ZDHHC2: variants seen among roughly 807,000 people sequenced by gnomAD.
ZDHHC2 encodes palmitoyltransferase ZDHHC2.
Under a neutral mutation model 55.6 loss-of-function variants are expected in ZDHHC2, and 51 were observed. The observed-to-expected ratio is 0.92, with a 90% CI of 0.73 to 1.16. The LOEUF is 1.16. ZDHHC2 is among the 50% of genes most tolerant of loss of function. The probability of loss-of-function intolerance (pLI) is 0.00; values close to 1 mark genes in which losing one functional copy is unlikely to be tolerated. For synonymous variants in ZDHHC2, 199 were observed against 152.9 expected (o/e 1.30, Z -2.22); for missense variants, 491 against 442.4 (o/e 1.11, Z -0.99).
chr8:17,209,293 G>A (rs1442434879), intron 8 of ZDHHC2, among the ~76,000 whole-genome samples: 10 of 152,074 alleles, frequency 6.6e-5, no homozygotes, highest in Non-Finnish European at 1.5e-4. Flanking sequence ...TTTATAGTCA[G>A]CTGGAAAAAT....
chr8:17,175,706 C>T (rs1805094121), intron 1 of ZDHHC2, among the ~76,000 whole-genome samples: 1 of 150,840 alleles, frequency 6.6e-6, no homozygotes, highest in South Asian at 2.1e-4. Context: ...CAACGTAAAA[C>T]ATCACACAGG....
chr8:17,171,456 A>G (rs879925880), intron 1 of ZDHHC2, among the ~76,000 whole-genome samples: 4 of 152,174 alleles, frequency 2.6e-5, no homozygotes, highest in Non-Finnish European at 4.4e-5. Flanking sequence ...TCCCTTTGCC[A>G]AGATGAAAGT....
intron 5 of ZDHHC2, 149 bp downstream of exon 5, chr8:17,197,800 G>A (rs2150925175): frequency 1.2e-6 from 1 of 827,756 alleles, no homozygotes; most frequent in East Asian, 2.7e-5. Flanking sequence ...TAACCCGCTG[G>A]CATTCATACC....
intron 3 of ZDHHC2, among the ~76,000 whole-genome samples, chr8:17,189,991 C>T (rs942709722): frequency 4.6e-5 from 7 of 152,154 alleles, no homozygotes; most frequent in African/African-American, 1.7e-4. Context: ...TTTCTTTTCA[C>T]TACACCATGC....
At position 17,195,566 on chromosome 8, in the gene ZDHHC2, G is replaced by A. The variant is rs1806263726; in HGVS notation, c.315G>A (p.Gln105=). 2 of 1,613,946 alleles carry A rather than the reference G, an allele frequency of 1.2e-6. No individual in the cohort carries two copies. Among genetic ancestry groups the A allele is most frequent in the African/African-American group, 1.3e-5 (1 of 75,054 alleles). Residue 105 remains glutamine, a synonymous_variant, in exon 4 of 13, where the codon CAG becomes CAA. Transcript: ENST00000262096. Reference sequence around the variant, plus strand: ...GAGAGCCAAGAGGAGAAGCCCATCAGGAAGTTCTTAGGCGAGCAGCCAAGG... The same window carrying A: ...GAGAGCCAAGAGGAGAAGCCCATCAAGAAGTTCTTAGGCGAGCAGCCAAGG... ...LEREPRGEAH[Q]EVLRRAAKDL... is the part of the protein sequence containing the mutation.
At chr8:17,190,920 TTGTGC>T (rs1805992001) in intron 3 of ZDHHC2, among the ~76,000 whole-genome samples, 1 of 151,266 alleles carries the variant, frequency 6.6e-6, no homozygotes, top group Non-Finnish European at 1.5e-5. Flanking sequence ...AGCCGCCCTA[TTGTGC>T]TGTCAAATAC....
At chr8:17,182,509 G>C (rs1423830098) in intron 1 of ZDHHC2, among the ~76,000 whole-genome samples, 1 of 152,082 alleles carries the variant, frequency 6.6e-6, no homozygotes, top group Non-Finnish European at 1.5e-5. Flanking sequence ...ACAGCCTTTT[G>C]AACTGATCCC....
At chr8:17,199,997 C>T (rs570057983) in intron 6 of ZDHHC2, among the ~76,000 whole-genome samples, 4 of 152,036 alleles carry the variant, frequency 2.6e-5, no homozygotes, top group Non-Finnish European at 4.4e-5. Context: ...CCTTGTGATC[C>T]GCCCGCCTTG....
At chr8:17,158,438 C>T (rs144444816) in intron 1 of ZDHHC2, among the ~76,000 whole-genome samples, 19 of 152,292 alleles carry the variant, frequency 1.2e-4, no homozygotes, top group Admixed American at 2.0e-4. Context: ...AGACGCTTAT[C>T]TTGGTACAGT....
rs149499910 is a variant in ZDHHC2, at chr8:17,180,033, T to G, written c.131-4756T>G. On this transcript the variant is annotated intron_variant, in intron 1 of 12. Transcript: ENST00000262096. The stretch of plus-strand genomic sequence containing the variant: ...AGTGTTCCTATTGTGTGTATTTAGA[T>G]GGTATGAATGGTGCCATCCACCAGA... Among the ~76,000 whole-genome samples, 4 of 152,342 alleles carry G rather than the reference T, an allele frequency of 2.6e-5. No homozygotes were observed. In the East Asian group the frequency reaches 7.7e-4, roughly 29 times the overall value.
At chr8:17,200,472 G>C (rs928422066) in intron 6 of ZDHHC2, among the ~76,000 whole-genome samples, 4 of 152,178 alleles carry the variant, frequency 2.6e-5, no homozygotes, top group Non-Finnish European at 2.9e-5. Context: ...ATATTCAGCA[G>C]AGTGGTAGTC....
chr8:17,189,321 C>G (rs192606750), intron 3 of ZDHHC2, among the ~76,000 whole-genome samples: 47 of 152,130 alleles, frequency 3.1e-4, no homozygotes, highest in African/African-American at 1.1e-3. Context: ...TGCACCTTAC[C>G]TTCCTGGATT....
chr8:17,217,943 A>G (rs1807722935), intron 12 of ZDHHC2, among the ~76,000 whole-genome samples: 1 of 152,246 alleles, frequency 6.6e-6, no homozygotes, highest in South Asian at 2.1e-4. Flanking sequence ...AGATAGCAAG[A>G]TAACTCTCTC....
chr8:17,162,444 T>G (rs1804394229), intron 1 of ZDHHC2, among the ~76,000 whole-genome samples: 1 of 152,196 alleles, frequency 6.6e-6, no homozygotes, highest in South Asian at 2.1e-4. Flanking sequence ...AAATTGGTAC[T>G]TGCAGGAATG....
At chr8:17,163,531 G>C (rs1258852044) in intron 1 of ZDHHC2, among the ~76,000 whole-genome samples, 3 of 152,086 alleles carry the variant, frequency 2.0e-5, no homozygotes, top group African/African-American at 7.2e-5. Context: ...TATCTTGATG[G>C]AGAATTTGTG....
At chr8:17,197,817 G>A (rs1030446501) in intron 5 of ZDHHC2, among the ~76,000 whole-genome samples, 166 bp downstream of exon 5, 1 of 152,182 alleles carries the variant, frequency 6.6e-6, no homozygotes, top group African/African-American at 2.4e-5. Flanking sequence ...TACCAGTGAG[G>A]CCTAAGGCCA....
intron 5 of ZDHHC2, among the ~76,000 whole-genome samples, chr8:17,197,979 G>A (rs1428409712): frequency 3.3e-5 from 5 of 152,284 alleles, no homozygotes; most frequent in South Asian, 4.1e-4. Flanking sequence ...ACAGTCAGAC[G>A]TTGTTATATA....
At chr8:17,183,979 T>C (rs986510340) in intron 1 of ZDHHC2, among the ~76,000 whole-genome samples, 1 of 152,120 alleles carries the variant, frequency 6.6e-6, no homozygotes, top group African/African-American at 2.4e-5. Flanking sequence ...CACCAAGGCC[T>C]GAGGTCCCGT....
intron 1 of ZDHHC2, among the ~76,000 whole-genome samples, chr8:17,162,648 A>G (rs909561363): frequency 1.3e-5 from 2 of 152,172 alleles, no homozygotes; most frequent in African/African-American, 4.8e-5. Context: ...CTTCATAGAG[A>G]TCTTTTCCTA....
Sources: allele counts gnomAD v4.1 joint callset (sites outside exome capture counted in the v4.1 genomes callset), GRCh38; gene constraint gnomAD v4.1.1; transcripts MANE v1.5; gene names NCBI Gene and HGNC (gene_info 2026-07-23, HGNC 2026-07-21).